The following GADL1 variants were observed in gnomAD, a reference collection of about 807,000 sequenced individuals.
The protein encoded by GADL1 is GAD like acidic amino acid decarboxylase 1.
In GADL1, 71 loss-of-function variants were observed where a neutral mutation model predicts 69.5. That is an observed-to-expected ratio of 1.02 (90% CI 0.84 to 1.25). The LOEUF is 1.25. GADL1 is among the 50% of genes most tolerant of loss of function. The pLI, the probability that GADL1 is intolerant of heterozygous loss-of-function variation, is 0.00. For missense variants in GADL1, 737 were observed against 631.8 expected (o/e 1.17, Z -1.79); for synonymous variants, 254 against 214.4 (o/e 1.18, Z -1.62).
At chr3:30,870,213 C>T (rs1288995833) in intron 1 of GADL1, among the ~76,000 whole-genome samples, 1 of 151,618 alleles carries the variant, frequency 6.6e-6, no homozygotes, top group Non-Finnish European at 1.5e-5. Flanking sequence ...AAGGAAATAC[C>T]TGAATGACTT....
chr3:30,810,557 T>C (rs1697331338), intron 11 of GADL1, among the ~76,000 whole-genome samples: 2 of 152,136 alleles, frequency 1.3e-5, no homozygotes, highest in South Asian at 4.1e-4. Context: ...GTTTTTGTGG[T>C]GGTTCAAAAT....
At chr3:30,743,975 T>C (rs1469865928) in intron 14 of GADL1, among the ~76,000 whole-genome samples, 1 of 152,138 alleles carries the variant, frequency 6.6e-6, no homozygotes, top group Non-Finnish European at 1.5e-5. Flanking sequence ...GGGAAGACCA[T>C]GGAGCAGAGC....
At chr3:30,880,610 G>A (rs1698630749) in intron 1 of GADL1, among the ~76,000 whole-genome samples, 1 of 151,860 alleles carries the variant, frequency 6.6e-6, no homozygotes, top group African/African-American at 2.4e-5. Flanking sequence ...TCTTTTATAA[G>A]TAACCCAGTC....
intron 1 of GADL1, among the ~76,000 whole-genome samples, chr3:30,874,643 C>T (rs1292624899): frequency 6.6e-6 from 1 of 151,938 alleles, no homozygotes; most frequent in African/African-American, 2.4e-5. Context: ...TAAGTGTTAT[C>T]TACATTCCAC....
intron 14 of GADL1, among the ~76,000 whole-genome samples, chr3:30,765,312 C>T (rs1037387809): frequency 2.3e-5 from 1 of 42,644 alleles, no homozygotes; most frequent in Non-Finnish European, 5.1e-5. Flanking sequence ...TACTGCAGAC[C>T]AACTCACACT....
chr3:30,886,962 C>T (rs1698718738), intron 1 of GADL1, among the ~76,000 whole-genome samples: 2 of 152,172 alleles, frequency 1.3e-5, no homozygotes, highest in Non-Finnish European at 2.9e-5. Flanking sequence ...TAAGTGTTTA[C>T]AGGTATCATC....
At chr3:30,737,808 C>T (rs759254532) in intron 14 of GADL1, among the ~76,000 whole-genome samples, 8 of 151,998 alleles carry the variant, frequency 5.3e-5, no homozygotes, top group South Asian at 2.1e-4. Flanking sequence ...ATCAGACATG[C>T]GCAAAATAAA....
intron 13 of GADL1, among the ~76,000 whole-genome samples, chr3:30,781,569 AG>A (rs1211731616): frequency 2.6e-5 from 4 of 152,228 alleles, no homozygotes; most frequent in Non-Finnish European, 5.9e-5. Flanking sequence ...ATAGGTGTTA[AG>A]ATTAGACTAT....
At chr3:30,789,270 G>T (rs1054613908) in intron 12 of GADL1, among the ~76,000 whole-genome samples, 1 of 152,166 alleles carries the variant, frequency 6.6e-6, no homozygotes, top group Admixed American at 6.5e-5. Context: ...GAGTTACTAG[G>T]TGCGTTGTCA....
intron 12 of GADL1, among the ~76,000 whole-genome samples, chr3:30,790,485 A>T (rs1436350076): frequency 6.6e-6 from 1 of 152,206 alleles, no homozygotes; most frequent in Non-Finnish European, 1.5e-5. Flanking sequence ...TTGTAAAAAC[A>T]ACAAAACCCC....
At chr3:30,785,670 A>G (rs1698768056) in intron 13 of GADL1, among the ~76,000 whole-genome samples, 1 of 152,188 alleles carries the variant, frequency 6.6e-6, no homozygotes, top group South Asian at 2.1e-4. Context: ...CACTGTGCCT[A>G]GCCAGCTACA....
At chr3:30,894,088 G>A (rs1030784638) in intron 1 of GADL1, among the ~76,000 whole-genome samples, 3 of 152,186 alleles carry the variant, frequency 2.0e-5, no homozygotes, top group South Asian at 2.1e-4. Context: ...TAAGGTCCCC[G>A]TTCTCAATCT....
chr3:30,748,369 T>C (rs6550015), intron 14 of GADL1, among the ~76,000 whole-genome samples: 78,306 of 152,086 alleles, frequency 0.51, 22,904 homozygotes, highest in African/African-American at 0.81. Flanking sequence ...ACTCCAGCAC[T>C]GACCAGATTC....
At chr3:30,870,812 TA>T (rs1698469381) in intron 1 of GADL1, among the ~76,000 whole-genome samples, 1 of 151,596 alleles carries the variant, frequency 6.6e-6, no homozygotes, top group Non-Finnish European at 1.5e-5. Flanking sequence ...CAAAAGAATT[TA>T]AAGTAATTCT....
intron 14 of GADL1, among the ~76,000 whole-genome samples, chr3:30,764,097 A>G (rs928209302): frequency 1.3e-5 from 2 of 152,182 alleles, no homozygotes; most frequent in Admixed American, 6.5e-5. Context: ...ATTCATAAAA[A>G]TGCAAATGTA....
chr3:30,852,165 T>G (rs186259600), intron 4 of GADL1, among the ~76,000 whole-genome samples: 23 of 152,176 alleles, frequency 1.5e-4, no homozygotes, highest in Non-Finnish European at 2.1e-4. Context: ...ATGTATCACC[T>G]ACTATTTATC....
chr3:30,882,437 G>T (rs900252073), intron 1 of GADL1, among the ~76,000 whole-genome samples: 2 of 151,746 alleles, frequency 1.3e-5, no homozygotes, highest in Non-Finnish European at 2.9e-5. Context: ...TATAGTATTG[G>T]TCTTTTTGTG....
chr3:30,759,597 G>A (rs1178566532), intron 14 of GADL1, among the ~76,000 whole-genome samples: 2 of 151,588 alleles, frequency 1.3e-5, no homozygotes, highest in African/African-American at 4.9e-5. Context: ...ATTGTCACTA[G>A]GTTTTATTCC....
intron 1 of GADL1, among the ~76,000 whole-genome samples, chr3:30,862,754 G>T (rs1447604427): frequency 6.6e-6 from 1 of 151,980 alleles, no homozygotes; most frequent in African/African-American, 2.4e-5. Flanking sequence ...AGAGCTAGCT[G>T]CTTCCTTCTT....
Sources: allele counts gnomAD v4.1 joint callset (sites outside exome capture counted in the v4.1 genomes callset), GRCh38; gene constraint gnomAD v4.1.1; transcripts MANE v1.5; gene names NCBI Gene and HGNC (gene_info 2026-07-23, HGNC 2026-07-21).